RPS6KA5: variants seen among roughly 807,000 people sequenced by gnomAD.
RPS6KA5 encodes ribosomal protein S6 kinase A5.
In RPS6KA5, 27 loss-of-function variants were observed where a neutral mutation model predicts 85.5. That is an observed-to-expected ratio of 0.32 (90% CI 0.23 to 0.44). The LOEUF (loss-of-function observed/expected upper bound fraction) is 0.44. Ranked by LOEUF, RPS6KA5 falls within the 20% of genes least tolerant of loss-of-function variation. RPS6KA5 has a pLI of 1.00. For missense variants in RPS6KA5, 811 were observed against 980.9 expected, an observed-to-expected ratio of 0.83 and a Z score of 2.31; for synonymous variants, 334 against 348.2, an observed-to-expected ratio of 0.96 and a Z score of 0.46.
At chr14:90,915,277 G>A (rs1242109699) in intron 7 of RPS6KA5, among the ~76,000 whole-genome samples, 1 of 152,144 alleles carries the variant, frequency 6.6e-6, no homozygotes, top group Non-Finnish European at 1.5e-5. Context: ...TGCATTCACA[G>A]CCTCTTACCT....
intron 1 of RPS6KA5, among the ~76,000 whole-genome samples, chr14:91,042,322 A>G (rs1302147439): frequency 6.6e-6 from 1 of 152,050 alleles, no homozygotes; most frequent in Non-Finnish European, 1.5e-5. Context: ...CAGCCTGGCC[A>G]GATGCTGAAA....
At chr14:90,923,223 T>A in intron 5 of RPS6KA5, 27 bp from the exon 6 acceptor site, 1 of 1,552,196 alleles carries the variant, frequency 6.4e-7, no homozygotes, top group Non-Finnish European at 8.9e-7. Flanking sequence ...AAAAAGGGAT[T>A]TGATTTCAAG....
At chr14:91,024,219 C>A (rs1306419019) in intron 1 of RPS6KA5, among the ~76,000 whole-genome samples, 1 of 151,870 alleles carries the variant, frequency 6.6e-6, no homozygotes, top group African/African-American at 2.4e-5. Flanking sequence ...TTTTTTTTCC[C>A]AGAATCAATT....
intron 2 of RPS6KA5, among the ~76,000 whole-genome samples, chr14:90,984,567 TC>T (rs1885068103): frequency 6.6e-6 from 1 of 152,230 alleles, no homozygotes; most frequent in African/African-American, 2.4e-5. Context: ...ACGTTGACAA[TC>T]TTTGCTGATA....
chr14:90,904,522 T>A (rs2035394100), intron 8 of RPS6KA5, among the ~76,000 whole-genome samples: 1 of 152,332 alleles, frequency 6.6e-6, no homozygotes, highest in African/African-American at 2.4e-5. Context: ...ACTTTCTAGT[T>A]AAGTGTTTTT....
At chr14:90,903,199 G>A (rs1035565088) in intron 8 of RPS6KA5, among the ~76,000 whole-genome samples, 3 of 152,142 alleles carry the variant, frequency 2.0e-5, no homozygotes, top group Non-Finnish European at 4.4e-5. Context: ...GAATCTCAGA[G>A]TGTCCTCTGG....
chr14:91,014,523 C>CA (rs1191793313), intron 1 of RPS6KA5, among the ~76,000 whole-genome samples: 6 of 146,226 alleles, frequency 4.1e-5, no homozygotes, highest in South Asian at 2.2e-4. Flanking sequence ...AAACAAAAAA[C>CA]AAAAAAAATG....
At chr14:91,060,113 C>T in intron 1 of RPS6KA5, 10 of 985,302 alleles carry the variant, frequency 1.0e-5, no homozygotes, top group Non-Finnish European at 1.2e-5. Flanking sequence ...GCCCGCCGCT[C>T]ATTCCCGGGC....
intron 3 of RPS6KA5, among the ~76,000 whole-genome samples, chr14:90,967,629 T>C (rs1257471797): frequency 6.6e-6 from 1 of 152,156 alleles, no homozygotes; most frequent in Non-Finnish European, 1.5e-5. Flanking sequence ...AAAGAGAGAT[T>C]TTCTTATATA....
intron 1 of RPS6KA5, among the ~76,000 whole-genome samples, chr14:91,053,427 A>G (rs1472678817): frequency 6.6e-6 from 1 of 152,206 alleles, no homozygotes; most frequent in Non-Finnish European, 1.5e-5. Flanking sequence ...ATCTCTATCC[A>G]TGGCTAACAC....
Position 90,861,270 on chromosome 14 carries a change from C to G in RPS6KA5, c.*10804G>C, listed in dbSNP as rs564515039. ...GGGCGCGGTGGCTCACGCCTGTAAT[C>G]CCAGCACTTTGGGAGGCCGAGGCGG... On this transcript the variant is annotated 3_prime_UTR_variant, in exon 17 of 17. Transcript: ENST00000614987. 6.6e-6 allele frequency: 1 copy of G among 150,550 alleles called. No individual in the cohort carries two copies. Among genetic ancestry groups the G allele is most frequent in the South Asian group, 2.1e-4 (1 of 4,752 alleles). The allele number at this position is 150,550 out of a possible 1,614,324, so 9.3% of individuals were successfully genotyped here. A position where few individuals can be genotyped will look rare whatever the true frequency, so the allele number is the denominator to read the frequency against.
Position 91,030,308 on chromosome 14 carries a change from T to TC in RPS6KA5, c.104-29150_104-29149insG, listed in dbSNP as rs545800181. ...GGTATAGAGAGAAGCAAGGATGAGGTAAGAACGGAAAATGCAGAATAATAT... is the reference window on the plus strand; with the variant it reads ...GGTATAGAGAGAAGCAAGGATGAGGTCAAGAACGGAAAATGCAGAATAATAT... On this transcript the variant is annotated intron_variant, in intron 1 of 16. Coordinates refer to ENST00000614987, the MANE Select transcript of RPS6KA5 (RefSeq NM_004755.4). 5.9e-5 allele frequency among the ~76,000 whole-genome samples: 9 copies of TC among 152,152 alleles called. No homozygotes were observed. In the East Asian group the frequency reaches 1.7e-3, roughly 29 times the overall value.
At chr14:91,016,514 C>T (rs1805466260) in intron 1 of RPS6KA5, among the ~76,000 whole-genome samples, 1 of 152,122 alleles carries the variant, frequency 6.6e-6, no homozygotes, top group Non-Finnish European at 1.5e-5. Flanking sequence ...CTCATACATA[C>T]TACATACTAC....
chr14:90,926,733 C>A (rs1026962274), intron 5 of RPS6KA5, among the ~76,000 whole-genome samples: 2 of 150,148 alleles, frequency 1.3e-5, no homozygotes, highest in Non-Finnish European at 3.0e-5. Flanking sequence ...TCTATTTATA[C>A]CCAGCAGCTA....
At chr14:90,873,411 T>C (rs1405878930) in intron 16 of RPS6KA5, among the ~76,000 whole-genome samples, 1 of 152,200 alleles carries the variant, frequency 6.6e-6, no homozygotes, top group African/African-American at 2.4e-5. Flanking sequence ...AAAAATTAAA[T>C]ATGTATTTTG....
intron 15 of RPS6KA5, among the ~76,000 whole-genome samples, chr14:90,874,274 G>GC (rs1566674712): frequency 6.6e-6 from 1 of 152,218 alleles, no homozygotes; most frequent in Non-Finnish European, 1.5e-5. Context: ...AAGTGCGATA[G>GC]CAAGATACAC....
rs2032817349 is a variant in RPS6KA5 at position 90,866,731 on chromosome 14, C to T, written c.*5343G>A. The T allele has an allele frequency of 6.6e-6, 1 of 152,092 alleles. No homozygotes were observed. Among genetic ancestry groups the T allele is most frequent in the Admixed American group, 6.6e-5 (1 of 15,260 alleles). The allele number at this position is 152,092 out of a possible 1,614,324, so 9.4% of individuals were successfully genotyped here. ...TTAAAATGCCAGTCTTTAAAAATTCCTCTATGTGTATATGTGGTTTCTTCT... is the reference window on the plus strand; with the variant it reads ...TTAAAATGCCAGTCTTTAAAAATTCTTCTATGTGTATATGTGGTTTCTTCT... On this transcript the variant is annotated 3_prime_UTR_variant, in exon 17 of 17. Coordinates refer to ENST00000614987, the MANE Select transcript of RPS6KA5 (RefSeq NM_004755.4).
intron 15 of RPS6KA5, 105 bp downstream of exon 15, chr14:90,875,096 C>T (rs2033366131): frequency 1.8e-6 from 2 of 1,129,740 alleles, no homozygotes; most frequent in Admixed American, 4.4e-5. Context: ...TTAGAATACA[C>T]ATGGATTCCT....
intron 3 of RPS6KA5, among the ~76,000 whole-genome samples, chr14:90,960,528 A>G (rs1442659329): frequency 1.3e-5 from 2 of 152,144 alleles, no homozygotes; most frequent in African/African-American, 4.8e-5. Context: ...AGCCTAAGGA[A>G]AACCTCCAGA....
Sources: allele counts gnomAD v4.1 joint callset (sites outside exome capture counted in the v4.1 genomes callset), GRCh38; gene constraint gnomAD v4.1.1; transcripts MANE v1.5; gene names NCBI Gene and HGNC (gene_info 2026-07-23, HGNC 2026-07-21).